The following TEAD1 variants were observed in gnomAD, a reference collection of about 807,000 sequenced individuals.
The protein encoded by TEAD1 is TEA domain transcription factor 1.
TEAD1 carries 9 observed loss-of-function variants against 54.9 expected under a neutral mutation model. The ratio of observed to expected loss-of-function variants is 0.16; its 90% CI spans 0.10 to 0.29. TEAD1 has a LOEUF of 0.29. TEAD1 is among the 10% of genes least tolerant of loss of function. TEAD1 has a pLI of 1.00. For synonymous variants in TEAD1, 200 were observed against 187.8 expected (o/e 1.07, Z -0.53); for missense variants, 387 against 535.9 (o/e 0.72, Z 2.74).
Position 12,759,805 on chromosome 11 carries a change from T to C in TEAD1, c.-54-4374T>C, listed in dbSNP as rs142584144. Among the ~76,000 whole-genome samples, 63 of 152,304 alleles carry C rather than the reference T, an allele frequency of 4.1e-4. No homozygotes were observed. In the East Asian group the frequency reaches 0.011, roughly 28 times the overall value. ...TGAACCTGGGAGGAGGAGGTTGCAGTGAGCTGAGATCGTGCCACTGCACTC... is the reference window on the plus strand; with the variant it reads ...TGAACCTGGGAGGAGGAGGTTGCAGCGAGCTGAGATCGTGCCACTGCACTC... On this transcript the variant is annotated intron_variant, in intron 2 of 12. Transcript: ENST00000527636.
chr11:12,823,938 C>A (rs1027211704), intron 3 of TEAD1, among the ~76,000 whole-genome samples: 32 of 152,132 alleles, frequency 2.1e-4, no homozygotes, highest in Non-Finnish European at 1.6e-4. Flanking sequence ...GGCTCACCTA[C>A]CCTACCCCAG....
At chr11:12,715,950 C>G (rs936675721) in intron 2 of TEAD1, among the ~76,000 whole-genome samples, 1 of 152,028 alleles carries the variant, frequency 6.6e-6, no homozygotes, top group Non-Finnish European at 1.5e-5. Context: ...CAAGAACAAT[C>G]GTAATTCATT....
At chr11:12,851,194 A>G (rs1947266896) in intron 3 of TEAD1, 3 of 669,658 alleles carry the variant, frequency 4.5e-6, no homozygotes, top group Non-Finnish European at 5.5e-6. Flanking sequence ...AGTCATACAT[A>G]TACAGAGTAG....
intron 2 of TEAD1, among the ~76,000 whole-genome samples, chr11:12,737,112 A>ATGT (rs1944549588): frequency 1.3e-5 from 2 of 152,140 alleles, no homozygotes; most frequent in Non-Finnish European, 2.9e-5. Context: ...CTATCTAAAA[A>ATGT]CGTCATGTTT....
chr11:12,777,675 A>G (rs559074104), intron 3 of TEAD1, among the ~76,000 whole-genome samples: 1 of 152,336 alleles, frequency 6.6e-6, no homozygotes, highest in South Asian at 2.1e-4. Context: ...TTCAACTGTT[A>G]CTGCAATCTC....
chr11:12,894,311 A>T (rs1374203259), intron 9 of TEAD1, among the ~76,000 whole-genome samples: 1 of 152,156 alleles, frequency 6.6e-6, no homozygotes, highest in Non-Finnish European at 1.5e-5. Context: ...CACCTCGCAG[A>T]TGCTGAGGAC....
At chr11:12,742,442 G>A (rs1209419473) in intron 2 of TEAD1, among the ~76,000 whole-genome samples, 1 of 152,122 alleles carries the variant, frequency 6.6e-6, no homozygotes, top group Non-Finnish European at 1.5e-5. Context: ...GGGGGTGAGA[G>A]GGTGGGTAGG....
At chr11:12,923,556 G>A (rs866603177) in intron 10 of TEAD1, among the ~76,000 whole-genome samples, 1 of 152,206 alleles carries the variant, frequency 6.6e-6, no homozygotes, top group Non-Finnish European at 1.5e-5. Flanking sequence ...GGAGCAGGGG[G>A]TTGGTAGATA....
intron 3 of TEAD1, among the ~76,000 whole-genome samples, chr11:12,846,305 G>T (rs1947151332): frequency 7.5e-6 from 1 of 132,958 alleles, no homozygotes; most frequent in Admixed American, 8.6e-5. Flanking sequence ...CCTGCCCAAA[G>T]GATTTTTAAA....
At chr11:12,901,184 C>G (rs1299826618) in intron 9 of TEAD1, among the ~76,000 whole-genome samples, 3 of 152,152 alleles carry the variant, frequency 2.0e-5, no homozygotes, top group African/African-American at 7.2e-5. Flanking sequence ...CCTTTGTGGT[C>G]CAGTTACCAT....
At chr11:12,697,779 T>C (rs1943615901) in intron 2 of TEAD1, among the ~76,000 whole-genome samples, 1 of 152,112 alleles carries the variant, frequency 6.6e-6, no homozygotes, top group Non-Finnish European at 1.5e-5. Context: ...ATCCCAGCAC[T>C]TGGGAGGCCG....
chr11:12,855,044 G>A (rs1947345501), intron 3 of TEAD1, among the ~76,000 whole-genome samples: 2 of 152,090 alleles, frequency 1.3e-5, no homozygotes, highest in South Asian at 2.1e-4. Flanking sequence ...TATGGCATCC[G>A]TGTAGAAGAA....
chr11:12,766,117 A>G (rs1291920614), intron 3 of TEAD1, among the ~76,000 whole-genome samples: 4 of 152,242 alleles, frequency 2.6e-5, no homozygotes, highest in East Asian at 1.9e-4. Context: ...GCATAGTATT[A>G]GAAATCCCAA....
At chr11:12,743,462 C>A (rs1380356500) in intron 2 of TEAD1, among the ~76,000 whole-genome samples, 2 of 152,068 alleles carry the variant, frequency 1.3e-5, no homozygotes, top group African/African-American at 4.8e-5. Context: ...AGCTTTTATC[C>A]TTGGGGAACC....
At chr11:12,760,470 C>T (rs1329175380) in intron 2 of TEAD1, among the ~76,000 whole-genome samples, 7 of 152,184 alleles carry the variant, frequency 4.6e-5, no homozygotes, top group Non-Finnish European at 8.8e-5. Context: ...ATATATTCCC[C>T]TCCCTTCCTC....
intron 3 of TEAD1, among the ~76,000 whole-genome samples, chr11:12,825,230 T>C (rs1180195227): frequency 6.6e-6 from 1 of 152,094 alleles, no homozygotes; most frequent in Non-Finnish European, 1.5e-5. Context: ...TATTTAAAAT[T>C]GTACTGCAGG....
intron 2 of TEAD1, among the ~76,000 whole-genome samples, chr11:12,711,673 C>T (rs1271419072): frequency 1.3e-5 from 2 of 152,168 alleles, no homozygotes; most frequent in Non-Finnish European, 2.9e-5. Flanking sequence ...AGTAAACAGG[C>T]CCTTTACCCT....
chr11:12,720,917 C>T (rs373711858), intron 2 of TEAD1, among the ~76,000 whole-genome samples: 7 of 152,196 alleles, frequency 4.6e-5, no homozygotes, highest in African/African-American at 1.4e-4. Context: ...AGGTCAGCCC[C>T]GACACTTCCT....
chr11:12,701,694 AG>A (rs1943705678), intron 2 of TEAD1, among the ~76,000 whole-genome samples: 1 of 152,164 alleles, frequency 6.6e-6, no homozygotes, highest in Admixed American at 6.5e-5. Flanking sequence ...AGTTGTGTTA[AG>A]GGGACCATTC....
Sources: allele counts gnomAD v4.1 joint callset (sites outside exome capture counted in the v4.1 genomes callset), GRCh38; gene constraint gnomAD v4.1.1; transcripts MANE v1.5; gene names NCBI Gene and HGNC (gene_info 2026-07-23, HGNC 2026-07-21).